Variants in DAB1 observed in about 807,000 individuals in gnomAD.
The protein encoded by DAB1 is disabled homolog 1.
Under a neutral mutation model 64.6 loss-of-function variants are expected in DAB1, and 15 were observed. The ratio of observed to expected loss-of-function variants is 0.23; its 90% CI spans 0.16 to 0.36. The LOEUF (loss-of-function observed/expected upper bound fraction) is 0.36, where lower values mean the gene tolerates loss of function less well. DAB1 is among the 10% of genes least tolerant of loss of function. The pLI is 1.00. For synonymous variants in DAB1, 235 were observed against 251.9 expected, an observed-to-expected ratio of 0.93 and a Z score of 0.64; for missense variants, 596 against 706.7, an observed-to-expected ratio of 0.84 and a Z score of 1.78.
intron 2 of DAB1, among the ~76,000 whole-genome samples, chr1:57,155,107 C>G (rs753742420): frequency 1.3e-5 from 2 of 152,140 alleles, no homozygotes; most frequent in African/African-American, 4.8e-5. Flanking sequence ...TTGCCCAGAC[C>G]CATGTCCTGC....
At chr1:58,528,789 C>T (rs1185407062) in intron 1 of DAB1, among the ~76,000 whole-genome samples, 1 of 152,224 alleles carries the variant, frequency 6.6e-6, no homozygotes, top group Non-Finnish European at 1.5e-5. Flanking sequence ...GCTCTCCAAT[C>T]ACAGTGAGCA....
chr1:57,984,668 T>C (rs558823077), intron 5 of DAB1, among the ~76,000 whole-genome samples: 2 of 152,310 alleles, frequency 1.3e-5, no homozygotes, highest in African/African-American at 4.8e-5. Flanking sequence ...CAACATGCAA[T>C]TAGCTCAACA....
chr1:57,979,659 T>C (rs527881065), intron 5 of DAB1, among the ~76,000 whole-genome samples: 1 of 152,362 alleles, frequency 6.6e-6, no homozygotes, highest in Admixed American at 6.5e-5. Context: ...TATAATGGAA[T>C]GGGATTTGGT....
At chr1:57,883,553 G>A (rs1253883973) in intron 1 of DAB1, among the ~76,000 whole-genome samples, 1 of 152,200 alleles carries the variant, frequency 6.6e-6, no homozygotes, top group South Asian at 2.1e-4. Context: ...GATGCAGAAA[G>A]CAGCATATTT....
At position 58,335,844 on chromosome 1, in the gene DAB1, G is replaced by A. The variant is rs190746769; in HGVS notation, n.309+7508C>T. On this transcript the variant is annotated intron_variant and non_coding_transcript_variant, in intron 4 of 20. Transcript: ENST00000485760. Reference sequence around the variant, plus strand: ...GCAATTTAGTAGATACGATCCAGTCGGGGAAAGGTGAATTTATGGAGGGTG... The same window carrying A: ...GCAATTTAGTAGATACGATCCAGTCAGGGAAAGGTGAATTTATGGAGGGTG... 1.6e-4 allele frequency among the ~76,000 whole-genome samples: 25 copies of A among 152,242 alleles called. No individual in the cohort carries two copies. In the East Asian group the frequency reaches 4.1e-3, roughly 25 times the overall value.
intron 1 of DAB1, among the ~76,000 whole-genome samples, chr1:57,323,047 A>ATAT (rs1675850262): frequency 6.6e-6 from 1 of 151,560 alleles, no homozygotes; most frequent in Non-Finnish European, 1.5e-5. Flanking sequence ...GAGTTCTGAG[A>ATAT]TTTTTTTTTG....
At chr1:57,909,418 G>T (rs182062558) in intron 5 of DAB1, among the ~76,000 whole-genome samples, 3 of 152,286 alleles carry the variant, frequency 2.0e-5, no homozygotes, top group Admixed American at 1.3e-4. Context: ...TTTTATAGCA[G>T]ATTTCTGTGC....
intron 4 of DAB1, among the ~76,000 whole-genome samples, chr1:58,290,690 T>C (rs527601496): frequency 1.1e-4 from 16 of 152,294 alleles, no homozygotes; most frequent in African/African-American, 3.8e-4. Context: ...TCACAAGAAA[T>C]GTACATCATC....
At chr1:57,984,802 T>C (rs1646172116) in intron 5 of DAB1, among the ~76,000 whole-genome samples, 1 of 152,146 alleles carries the variant, frequency 6.6e-6, no homozygotes, top group South Asian at 2.1e-4. Flanking sequence ...AATGCAGTCG[T>C]CCAACTTGGA....
intron 5 of DAB1, among the ~76,000 whole-genome samples, chr1:58,001,012 C>G (rs529774525): frequency 1.3e-5 from 2 of 152,128 alleles, no homozygotes; most frequent in South Asian, 4.2e-4. Context: ...TCTCTCTTAA[C>G]TTCTTAATTT....
intron 6 of DAB1, among the ~76,000 whole-genome samples, chr1:57,751,794 AAAGAT>A (rs1254448119): frequency 2.6e-5 from 4 of 151,986 alleles, no homozygotes; most frequent in Non-Finnish European, 5.9e-5. Flanking sequence ...CCACCACAAT[AAAGAT>A]AAGGGGGCTC....
intron 4 of DAB1, among the ~76,000 whole-genome samples, chr1:58,245,888 C>T (rs1320416117): frequency 6.6e-6 from 1 of 152,140 alleles, no homozygotes; most frequent in Non-Finnish European, 1.5e-5. Context: ...TGGGCACATC[C>T]TGCACATACA....
At chr1:57,447,487 T>G (rs977091441) in intron 7 of DAB1, among the ~76,000 whole-genome samples, 2 of 152,218 alleles carry the variant, frequency 1.3e-5, no homozygotes, top group Non-Finnish European at 2.9e-5. Context: ...TGCTCACATT[T>G]GCACTCTCTT....
chr1:56,997,968 G>A lies in DAB1; in HGVS notation c.*176C>T, dbSNP rs1557490496. On this transcript the variant is annotated 3_prime_UTR_variant, in exon 15 of 15. Coordinates refer to ENST00000371236, the MANE Select transcript of DAB1 (RefSeq NM_001365792.1). Reference sequence around the variant, plus strand: ...ATGCTTAGTTCCCTCTTCTGAGCGAGTTCCATTGGGCAATCATGAATTTCT... The same window carrying A: ...ATGCTTAGTTCCCTCTTCTGAGCGAATTCCATTGGGCAATCATGAATTTCT... The A allele has an allele frequency of 6.6e-6, 1 of 152,608 alleles. No homozygotes were observed. Among genetic ancestry groups the A allele is most frequent in the Non-Finnish European group, 1.5e-5 (1 of 68,046 alleles). 9.5% of individuals were successfully genotyped at this position (152,608 alleles called of 1,614,324 possible). A position where few individuals can be genotyped will look rare whatever the true frequency, so the allele number is the denominator to read the frequency against.
At chr1:57,060,212 G>A (rs996914567) in intron 9 of DAB1, among the ~76,000 whole-genome samples, 32 of 151,340 alleles carry the variant, frequency 2.1e-4, no homozygotes, top group African/African-American at 6.6e-4. Context: ...GTGCAGTAGC[G>A]CCATCTCGGC....
At chr1:57,206,764 T>TAGAAACAGAAAAGGAC (rs1553156056) in intron 2 of DAB1, among the ~76,000 whole-genome samples, 2 of 152,120 alleles carry the variant, frequency 1.3e-5, no homozygotes, top group Admixed American at 1.3e-4. Context: ...AGGCAATATG[T>TAGAAACAGAAAAGGAC]AGAAACAGAA....
intron 3 of DAB1, among the ~76,000 whole-genome samples, chr1:58,392,395 G>A (rs945258865): frequency 6.6e-6 from 1 of 152,066 alleles, no homozygotes; most frequent in Admixed American, 6.6e-5. Context: ...CCGTCTCAGC[G>A]GGTTGACGTA....
intron 3 of DAB1, among the ~76,000 whole-genome samples, chr1:58,477,243 A>T (rs1396870869): frequency 6.6e-6 from 1 of 152,208 alleles, no homozygotes; most frequent in Non-Finnish European, 1.5e-5. Flanking sequence ...AAACAAAACA[A>T]AAAAACCTTG....
At chr1:57,653,464 T>C (rs985048276) in intron 6 of DAB1, among the ~76,000 whole-genome samples, 1 of 152,220 alleles carries the variant, frequency 6.6e-6, no homozygotes, top group African/African-American at 2.4e-5. Flanking sequence ...AGCCTAATGA[T>C]CCATATTTGA....
Sources: allele counts gnomAD v4.1 joint callset (sites outside exome capture counted in the v4.1 genomes callset), GRCh38; gene constraint gnomAD v4.1.1; transcripts MANE v1.5; gene names NCBI Gene and HGNC (gene_info 2026-07-23, HGNC 2026-07-21).